The following SYT17 variants were observed in gnomAD, a reference collection of about 807,000 sequenced individuals.
SYT17 encodes the protein synaptotagmin 17, also known as synaptotagmin-17.
In SYT17, 22 loss-of-function variants were observed where a neutral mutation model predicts 46.7. That is an observed-to-expected ratio of 0.47 (90% CI 0.34 to 0.67). The LOEUF (loss-of-function observed/expected upper bound fraction) is 0.67. SYT17 is among the 30% of genes least tolerant of loss of function. SYT17 has a pLI of 0.01. For synonymous variants in SYT17, 251 were observed against 248.4 expected (o/e 1.01, Z -0.10); for missense variants, 519 against 612.8 (o/e 0.85, Z 1.62).
At chr16:19,214,330 T>C (rs947321692) in intron 5 of SYT17, among the ~76,000 whole-genome samples, 1 of 152,156 alleles carries the variant, frequency 6.6e-6, no homozygotes, top group African/African-American at 2.4e-5. Context: ...CCTGGTCAGC[T>C]TTTTTTGTTT....
chr16:19,212,150 C>T (rs553622829), intron 5 of SYT17, among the ~76,000 whole-genome samples: 6 of 152,196 alleles, frequency 3.9e-5, no homozygotes, highest in South Asian at 2.1e-4. Context: ...GGGGTGATGC[C>T]GCTGGCATCC....
At chr16:19,230,590 G>T (rs1966645363) in intron 7 of SYT17, among the ~76,000 whole-genome samples, 1 of 152,162 alleles carries the variant, frequency 6.6e-6, no homozygotes, top group Admixed American at 6.5e-5. Context: ...GAGCAATTCA[G>T]AGAAGTACCT....
chr16:19,238,438 G>A (rs1425846810), intron 7 of SYT17, among the ~76,000 whole-genome samples: 1 of 152,160 alleles, frequency 6.6e-6, no homozygotes, highest in African/African-American at 2.4e-5. Flanking sequence ...GTTACCCTGG[G>A]GTTCTCCTGG....
chr16:19,236,397 G>T (rs961362780), intron 7 of SYT17, among the ~76,000 whole-genome samples: 9 of 152,098 alleles, frequency 5.9e-5, no homozygotes, highest in African/African-American at 2.2e-4. Context: ...GCTTAGGGAC[G>T]GGAAGTGCAA....
intron 3 of SYT17, 152 bp from the exon 4 acceptor site, chr16:19,180,239 T>G (rs1275154520): frequency 1.4e-6 from 1 of 736,102 alleles, no homozygotes; most frequent in Non-Finnish European, 2.3e-6. Flanking sequence ...TGTTGAGAGT[T>G]TAAGGACACC....
At chr16:19,207,978 G>C (rs13333410) in intron 5 of SYT17, among the ~76,000 whole-genome samples, 5,314 of 152,264 alleles carry the variant, frequency 0.035, 308 homozygotes, top group African/African-American at 0.12. Flanking sequence ...AATCCTGATG[G>C]TCAGGAACTG....
intron 7 of SYT17, among the ~76,000 whole-genome samples, chr16:19,265,771 G>T (rs1237104058): frequency 6.6e-6 from 1 of 152,208 alleles, no homozygotes; most frequent in African/African-American, 2.4e-5. Context: ...GCGGAACTTG[G>T]CCGGGAAGAT....
intron 3 of SYT17, 148 bp from the exon 4 acceptor site, chr16:19,180,243 G>A: frequency 1.3e-6 from 1 of 759,320 alleles, no homozygotes; most frequent in South Asian, 1.8e-5. Context: ...GAGAGTTTAA[G>A]GACACCACAC....
chr16:19,189,917 C>T (rs1167456559), intron 5 of SYT17, among the ~76,000 whole-genome samples: 2 of 152,200 alleles, frequency 1.3e-5, no homozygotes, highest in Admixed American at 6.5e-5. Flanking sequence ...GGCAGAACAT[C>T]CCATCTGTCT....
chr16:19,190,668 G>A (rs1419044434), intron 5 of SYT17, among the ~76,000 whole-genome samples: 1 of 152,058 alleles, frequency 6.6e-6, no homozygotes, highest in Non-Finnish European at 1.5e-5. Flanking sequence ...TTTTTCCTGT[G>A]GCTGGCTTGT....
chr16:19,243,843 A>G (rs1005924857), intron 7 of SYT17, among the ~76,000 whole-genome samples: 11 of 146,196 alleles, frequency 7.5e-5, no homozygotes, highest in Non-Finnish European at 1.6e-4. Context: ...AAAAAAAAAA[A>G]AAAGATATGC....
chr16:19,194,947 A>G (rs1435473045), intron 5 of SYT17, among the ~76,000 whole-genome samples: 1 of 152,204 alleles, frequency 6.6e-6, no homozygotes, highest in East Asian at 1.9e-4. Context: ...AAGGAACTCA[A>G]TAGATGTCTT....
intron 7 of SYT17, among the ~76,000 whole-genome samples, chr16:19,246,554 C>A (rs575451087): frequency 6.6e-6 from 1 of 152,260 alleles, no homozygotes; most frequent in African/African-American, 2.4e-5. Flanking sequence ...AACATCTAGG[C>A]TCTTTCCAGG....
intron 7 of SYT17, among the ~76,000 whole-genome samples, chr16:19,243,465 C>T (rs1430263462): frequency 6.6e-6 from 1 of 152,044 alleles, no homozygotes; most frequent in Non-Finnish European, 1.5e-5. Flanking sequence ...GCAAGGTCAC[C>T]CTTGCCTTCT....
intron 5 of SYT17, among the ~76,000 whole-genome samples, chr16:19,186,922 A>G (rs1964812788): frequency 6.6e-6 from 1 of 152,236 alleles, no homozygotes; most frequent in African/African-American, 2.4e-5. Flanking sequence ...AGCAGCAGGA[A>G]ACTTCCAGTC....
In SYT17 at chr16:19,168,540, CT is replaced by C; in HGVS notation, c.-102del. 5 of 1,506,004 alleles carry C rather than the reference CT, an allele frequency of 3.3e-6. No homozygotes were observed. Among genetic ancestry groups the C allele is most frequent in the Admixed American group, 2.0e-5 (1 of 49,956 alleles). The allele number at this position is 1,506,004 out of a possible 1,614,324, so 93.3% of individuals were successfully genotyped here. ...AGTCACGTCTGGGGCCACCGGCTGC[CT>C]TTTTCTTCCTTTCCCCCTTTGCTTT... On this transcript the variant is annotated 5_prime_UTR_variant, in exon 1 of 8. Transcript: ENST00000355377. This position sits in a 1 kb window ranked among gnomAD's most constrained non-coding sequence, Gnocchi z 6.9.
intron 3 of SYT17, among the ~76,000 whole-genome samples, chr16:19,179,753 CT>C (rs1964472303): frequency 6.6e-6 from 1 of 152,192 alleles, no homozygotes; most frequent in Admixed American, 6.5e-5. Flanking sequence ...CGTCTTCCTT[CT>C]CCATCCACCC....
intron 7 of SYT17, among the ~76,000 whole-genome samples, chr16:19,228,448 A>G (rs1320997058): frequency 1.3e-5 from 2 of 152,170 alleles, no homozygotes; most frequent in Admixed American, 1.3e-4. Context: ...GCCCCCTTAA[A>G]TCAGGGATTC....
chr16:19,180,625 T>A, intron 4 of SYT17, 86 bp downstream of exon 4: 1 of 1,540,218 alleles, frequency 6.5e-7, no homozygotes, highest in Non-Finnish European at 8.9e-7. Context: ...GGCAGTGTTA[T>A]TGCTGGGGGA....
Sources: gnomAD v4.1 joint callset for allele counts (sites outside exome capture counted in the v4.1 genomes callset) on GRCh38, gnomAD v4.1.1 for gene constraint, Gnocchi (gnomAD v3.1) non-coding constraint, MANE v1.5 for transcripts, NCBI Gene and HGNC (gene_info 2026-07-23, HGNC 2026-07-21) for gene names.